Variants in TG observed in about 807,000 individuals in gnomAD.
The protein encoded by TG is thyroid hormones.
Under a neutral mutation model 324.7 loss-of-function variants are expected in TG, and 270 were observed. That is an observed-to-expected ratio of 0.83 (90% CI 0.75 to 0.92). TG has a LOEUF of 0.92. TG is among the 40% of genes least tolerant of loss of function. The pLI is 0.00. For missense variants in TG, 3,591 were observed against 3,456.4 expected (o/e 1.04, Z -0.98); for synonymous variants, 1,401 against 1,327.0 (o/e 1.06, Z -1.21).
intron 45 of TG, among the ~76,000 whole-genome samples, chr8:133,126,778 A>T (rs553265101): frequency 6.6e-6 from 1 of 151,958 alleles, no homozygotes; most frequent in South Asian, 2.1e-4. Context: ...GTTATTTAAT[A>T]CTTCCTCAGC....
chr8:132,899,622 T>C (rs1289771248), intron 14 of TG, among the ~76,000 whole-genome samples: 1 of 152,214 alleles, frequency 6.6e-6, no homozygotes. Context: ...CATAGTTTCA[T>C]AGAGAAATTA....
At chr8:133,134,231 T>A (rs1048988395) in intron 47 of TG, among the ~76,000 whole-genome samples, 1 of 152,114 alleles carries the variant, frequency 6.6e-6, no homozygotes, top group African/African-American at 2.4e-5. Flanking sequence ...GGAGCCATGA[T>A]GGAAGCCTGT....
intron 34 of TG, among the ~76,000 whole-genome samples, chr8:132,974,436 G>A (rs900016104): frequency 6.6e-6 from 1 of 152,224 alleles, no homozygotes; most frequent in African/African-American, 2.4e-5. Context: ...CTCCTGCAGA[G>A]TAGGTATTGT....
intron 45 of TG, among the ~76,000 whole-genome samples, chr8:133,121,530 G>A (rs186639721): frequency 1.3e-5 from 2 of 152,136 alleles, no homozygotes; most frequent in African/African-American, 2.4e-5. Flanking sequence ...TTATAGTAGC[G>A]GTATTGCTAT....
At chr8:133,103,390 C>T (rs892031073) in intron 43 of TG, among the ~76,000 whole-genome samples, 1 of 152,122 alleles carries the variant, frequency 6.6e-6, no homozygotes, top group Non-Finnish European at 1.5e-5. Context: ...TATAGCCCCA[C>T]ATTACCCCTC....
intron 44 of TG, among the ~76,000 whole-genome samples, chr8:133,114,338 G>C (rs1286131958): frequency 6.6e-6 from 1 of 152,142 alleles, no homozygotes; most frequent in Non-Finnish European, 1.5e-5. Context: ...ATGGCTAAAG[G>C]CTGCAGCCCC....
At chr8:132,911,625 C>A in intron 19 of TG, 92 bp downstream of exon 19, 1 of 1,061,092 alleles carries the variant, frequency 9.4e-7, no homozygotes, top group Non-Finnish European at 1.5e-6. Context: ...GTGAAGAAGC[C>A]CATGATGTCT....
chr8:132,994,728 G>A (rs937365205), intron 35 of TG: 15 of 1,288,420 alleles, frequency 1.2e-5, no homozygotes, highest in African/African-American at 3.0e-5. Flanking sequence ...TTTAAAGTCC[G>A]GGAGGTGAGA....
chr8:133,094,306 T>A (rs956619490), intron 41 of TG, among the ~76,000 whole-genome samples: 12 of 146,310 alleles, frequency 8.2e-5, no homozygotes, highest in African/African-American at 3.0e-4. Context: ...AGAGGTGCGA[T>A]CTCGGTCCAC....
In TG at chr8:133,022,064, T is replaced by G; in HGVS notation, c.6950T>G (p.Ile2317Ser). Reference sequence around the variant, plus strand: ...GAGGAGAGTGAAGGATGGCCGGCTATCGACGGCTCCTTCTTGGCTGCTGTT... The same window carrying G: ...GAGGAGAGTGAAGGATGGCCGGCTAGCGACGGCTCCTTCTTGGCTGCTGTT... ...DREESEGWPA[I>S]DGSFLAAVGN... is the part of the protein sequence containing the mutation. The change falls in exon 40 of 48, where the codon ATC (isoleucine) becomes AGC (serine). Residue 2317 changes from isoleucine to serine, a missense_variant. Ile to Ser is a moderately radical substitution (Grantham distance 142, BLOSUM62 -2). Coordinates refer to ENST00000220616, the MANE Select transcript of TG (RefSeq NM_003235.5). The G allele has an allele frequency of 1.2e-6, 2 of 1,614,202 alleles. No homozygotes were observed. The highest frequency in any genetic ancestry group is 1.7e-6 in the Non-Finnish European group (2 of 1,180,040).
At chr8:132,870,679 T>C (rs1839406265) in intron 3 of TG, among the ~76,000 whole-genome samples, 1 of 152,064 alleles carries the variant, frequency 6.6e-6, no homozygotes, top group East Asian at 1.9e-4. Context: ...AGCATGCCAC[T>C]AGCTTCTGCT....
At position 132,911,558 on chromosome 8, in the gene TG, A is replaced by G. The variant is rs773756955; in HGVS notation, c.4159+25A>G. ...GGTATGTTTTTCTGTGGTAGTACCT[A>G]GAATAAGCTATGCAGCCTCTCTGAG... On this transcript the variant is annotated intron_variant, in intron 19 of 47. Transcript: ENST00000220616. 3 of 1,590,770 alleles carry G rather than the reference A, an allele frequency of 1.9e-6. No individual in the cohort carries two copies. In the Admixed American group the frequency reaches 5.0e-5, roughly 27 times the overall value.
intron 30 of TG, 40 bp downstream of exon 30, chr8:132,966,737 T>C: frequency 1.2e-6 from 2 of 1,612,892 alleles, no homozygotes; most frequent in Admixed American, 1.7e-5. Flanking sequence ...TTCCAGACAC[T>C]GTAGTCAGGC....
chr8:132,886,148 A>T (rs1815386480), intron 8 of TG, among the ~76,000 whole-genome samples: 1 of 152,108 alleles, frequency 6.6e-6, no homozygotes, highest in Non-Finnish European at 1.5e-5. Flanking sequence ...TTGGCAAGTG[A>T]GGTCAGGTTT....
chr8:132,897,699 G>A lies in TG; in HGVS notation c.3052G>A (p.Ala1018Thr), dbSNP rs1292027913. ...RRFSPDDSAG[A>T]SALLRSGPYM... is the part of the protein sequence containing the mutation. Reference sequence around the variant, plus strand: ...CTTTTCCCCGGACGACTCGGCTGGAGCATCCGCCCTTCTGCGGTCGGGCCC... The same window carrying A: ...CTTTTCCCCGGACGACTCGGCTGGAACATCCGCCCTTCTGCGGTCGGGCCC... Residue 1018 changes from alanine to threonine, a missense_variant, in exon 12 of 48, where the codon GCA becomes ACA. Ala to Thr is a moderately conservative substitution (Grantham distance 58). Coordinates refer to ENST00000220616, the MANE Select transcript of TG (RefSeq NM_003235.5). 6.2e-7 allele frequency: 1 copy of A among 1,614,240 alleles called. No homozygotes were observed. Among genetic ancestry groups the A allele is most frequent in the Admixed American group, 1.7e-5 (1 of 60,026 alleles).
chr8:133,114,952 C>G (rs1200848154), intron 44 of TG, among the ~76,000 whole-genome samples: 1 of 150,618 alleles, frequency 6.6e-6, no homozygotes, highest in East Asian at 2.0e-4. Flanking sequence ...AATTTTCCCT[C>G]TAGTGGAGAT....
intron 16 of TG, among the ~76,000 whole-genome samples, chr8:132,904,917 G>A (rs1470785115): frequency 7.9e-5 from 12 of 152,060 alleles, no homozygotes; most frequent in Non-Finnish European, 1.5e-5. Flanking sequence ...TGGATTCTGG[G>A]GCAAAGATAA....
At position 132,905,848 on chromosome 8, in the gene TG, G is replaced by A. The variant is rs1000439191; in HGVS notation, c.3635-840G>A. Among the ~76,000 whole-genome samples the A allele has an allele frequency of 2.6e-5, 4 of 152,288 alleles. No individual in the cohort carries two copies. The East Asian group carries it at 5.8e-4, about 22-fold the overall frequency. ...CCATGACAGTGGTAGAAAACAGAAC[G>A]TGTTGAGTTGATATTTGAGGGTCAA... is the stretch of plus-strand genomic sequence containing the variant. On this transcript the variant is annotated intron_variant, in intron 16 of 47. Transcript: ENST00000220616.
chr8:133,119,532 C>T lies in TG; in HGVS notation c.7862+2816C>T, dbSNP rs533007975. On this transcript the variant is annotated intron_variant, in intron 45 of 47. Coordinates refer to ENST00000220616, the MANE Select transcript of TG (RefSeq NM_003235.5). ...CTGCTTCACAGGTGGCACCTTCTTT[C>T]TGCATTCTCTCATGGCAAAGGGGAC... 5.9e-5 allele frequency among the ~76,000 whole-genome samples: 9 copies of T among 152,312 alleles called. No individual in the cohort carries two copies. The East Asian group carries it at 1.5e-3, about 26-fold the overall frequency.
Sources: allele counts gnomAD v4.1 joint callset (sites outside exome capture counted in the v4.1 genomes callset), GRCh38; gene constraint gnomAD v4.1.1; transcripts MANE v1.5; gene names NCBI Gene and HGNC (gene_info 2026-07-23, HGNC 2026-07-21).